The following TMEM178B variants were observed in gnomAD, a reference collection of about 807,000 sequenced individuals.
The protein encoded by TMEM178B is transmembrane protein 178B.
TMEM178B carries 5 observed loss-of-function variants against 31.0 expected under a neutral mutation model. That is an observed-to-expected ratio of 0.16 (90% CI 0.08 to 0.34). TMEM178B has a LOEUF of 0.34. TMEM178B is among the 10% of genes least tolerant of loss of function. The pLI is 1.00. For synonymous variants in TMEM178B, 164 were observed against 164.0 expected (o/e 1.00, Z 0.00); for missense variants, 275 against 400.3 (o/e 0.69, Z 2.67).
rs924300855 is a variant in TMEM178B, at chr7:141,318,655, C to T, written c.496+105951C>T. ...ATGCCACCCCTTCAGAAGCCTGTACCAAGACACTTAGAATTTTGCTGCTTT... is the reference window on the plus strand; with the variant it reads ...ATGCCACCCCTTCAGAAGCCTGTACTAAGACACTTAGAATTTTGCTGCTTT... On this transcript the variant is annotated intron_variant, in intron 2 of 3. Transcript: ENST00000565468. This position sits in a 1 kb window ranked among gnomAD's most constrained non-coding sequence, Gnocchi z 4.1. Among the ~76,000 whole-genome samples the T allele has an allele frequency of 7.2e-5, 11 of 152,152 alleles. No individual in the cohort carries two copies. The highest frequency in any genetic ancestry group is 2.7e-4 in the African/African-American group (11 of 41,438).
At chr7:141,229,411 A>T (rs1480232058) in intron 2 of TMEM178B, among the ~76,000 whole-genome samples, 1 of 152,072 alleles carries the variant, frequency 6.6e-6, no homozygotes, top group Non-Finnish European at 1.5e-5. Flanking sequence ...CCTTCCCTGT[A>T]ACCACCTACC....
chr7:141,412,976 T>A (rs1277145849), intron 2 of TMEM178B, among the ~76,000 whole-genome samples: 1 of 152,234 alleles, frequency 6.6e-6, no homozygotes, highest in Non-Finnish European at 1.5e-5. Context: ...AAGTCTTTTG[T>A]TCTTCTTTAG....
intron 1 of TMEM178B, among the ~76,000 whole-genome samples, chr7:141,109,236 G>A (rs1795195912): frequency 6.6e-6 from 1 of 152,116 alleles, no homozygotes; most frequent in Admixed American, 6.5e-5. Flanking sequence ...TATAGCGCCT[G>A]GTGATGGATT....
chr7:141,196,078 C>T (rs559742792), intron 1 of TMEM178B, among the ~76,000 whole-genome samples: 52 of 152,194 alleles, frequency 3.4e-4, no homozygotes, highest in African/African-American at 1.1e-3. Flanking sequence ...TGATACTGTA[C>T]GTATCAATGT....
In TMEM178B at chr7:141,405,982, C is replaced by T. The variant is rs144892320; in HGVS notation, c.497-31626C>T. The stretch of plus-strand genomic sequence containing the variant: ...TACAGGACACAGAGGAGGTGTGCTG[C>T]ATTATTTATTGTTTTTTATCTGTTT... On this transcript the variant is annotated intron_variant, in intron 2 of 3. Transcript: ENST00000565468. 4.7e-3 allele frequency among the ~76,000 whole-genome samples: 711 copies of T among 152,294 alleles called. 10 individuals are homozygous for T. The highest frequency in any genetic ancestry group is 0.016 in the African/African-American group (682 of 41,564).
the TMEM178B span, among the ~76,000 whole-genome samples, chr7:141,490,976 G>C: frequency 6.6e-6 from 1 of 152,124 alleles, no homozygotes; most frequent in African/African-American, 2.4e-5. Flanking sequence ...GCAAACCTAG[G>C]ATTCAAAATC....
At chr7:141,485,097 A>G (rs947104352), downstream of TMEM178B, among the ~76,000 whole-genome samples, 3 of 152,314 alleles carry the variant, frequency 2.0e-5, no homozygotes, top group East Asian at 1.9e-4. Flanking sequence ...GCAGGTGTGC[A>G]TAAGACCACA....
At chr7:141,373,895 C>T (rs1800163514) in intron 2 of TMEM178B, among the ~76,000 whole-genome samples, 1 of 152,184 alleles carries the variant, frequency 6.6e-6, no homozygotes, top group South Asian at 2.1e-4. Context: ...TGAAAGAGGA[C>T]TCACAACTAT....
intron 3 of TMEM178B, among the ~76,000 whole-genome samples, chr7:141,464,328 C>T (rs751485122): frequency 1.3e-5 from 2 of 152,064 alleles, no homozygotes; most frequent in Non-Finnish European, 2.9e-5. Flanking sequence ...ATATTTATGA[C>T]TCACGCTCTT....
At position 141,474,661 on chromosome 7, in the gene TMEM178B, C is replaced by A. The variant is rs1204654360; in HGVS notation, c.*3875C>A. On this transcript the variant is annotated 3_prime_UTR_variant, in exon 4 of 4. Transcript: ENST00000565468. ...TGGTCCCACCTAGCAATGCTTGCCT[C>A]TCCTGTGACAAGAGGGTAGGATATC... 6.6e-6 allele frequency: 1 copy of A among 152,166 alleles called. No individual in the cohort carries two copies. The highest frequency in any genetic ancestry group is 2.4e-5 in the African/African-American group (1 of 41,436). 9.4% of individuals were successfully genotyped at this position (152,166 alleles called of 1,614,324 possible).
At position 141,478,959 on chromosome 7, in the gene TMEM178B, G is replaced by GAGA. The variant is rs1802423124; in HGVS notation, c.*8173_*8174insAGA. 3 of 152,242 alleles carry GAGA rather than the reference G, an allele frequency of 2.0e-5. No individual in the cohort carries two copies. Among genetic ancestry groups the GAGA allele is most frequent in the Admixed American group, 6.5e-5 (1 of 15,284 alleles). The allele number at this position is 152,242 out of a possible 1,614,324, so 9.4% of individuals were successfully genotyped here. A position where few individuals can be genotyped will look rare whatever the true frequency, so the allele number is the denominator to read the frequency against. On this transcript the variant is annotated 3_prime_UTR_variant, in exon 4 of 4. Coordinates refer to ENST00000565468, the MANE Select transcript of TMEM178B (RefSeq NM_001195278.2). Reference sequence around the variant, plus strand: ...GAAAGCACAGAGCTATGTCGAGGCTGCTGTCTCAGCCTCTGGAAGTTCTGC... The same window carrying GAGA: ...GAAAGCACAGAGCTATGTCGAGGCTGAGACTGTCTCAGCCTCTGGAAGTTCTGC...
At chr7:141,238,262 C>A (rs964232133) in intron 2 of TMEM178B, among the ~76,000 whole-genome samples, 1 of 151,984 alleles carries the variant, frequency 6.6e-6, no homozygotes, top group African/African-American at 2.4e-5. Flanking sequence ...GATCCAAGTC[C>A]AGGTTGGAAA....
At chr7:141,490,479 C>T in the TMEM178B span, among the ~76,000 whole-genome samples, 1 of 152,206 alleles carries the variant, frequency 6.6e-6, no homozygotes, top group Admixed American at 6.5e-5. Flanking sequence ...CCAGTAACAA[C>T]CAGCAGCTTG....
intron 1 of TMEM178B, among the ~76,000 whole-genome samples, chr7:141,172,214 T>A (rs761823615): frequency 6.6e-6 from 1 of 152,170 alleles, no homozygotes; most frequent in Non-Finnish European, 1.5e-5. Context: ...TCTCATTCAT[T>A]CATTCATTCA....
intron 2 of TMEM178B, among the ~76,000 whole-genome samples, chr7:141,261,313 G>T (rs1351260834): frequency 6.6e-6 from 1 of 151,734 alleles, no homozygotes; most frequent in South Asian, 2.1e-4. Flanking sequence ...CACTTGTATA[G>T]GTTTTTTTTT....
rs1469688397 is a variant in TMEM178B, at chr7:141,471,457, T to C, written c.*671T>C. ...CGGTGGATGCTCAGACAACCCAGTC[T>C]TACCTTCCAGCTGCCTTACACCCAG... On this transcript the variant is annotated 3_prime_UTR_variant, in exon 4 of 4. Transcript: ENST00000565468. The surrounding 1 kb of genome is among the most constrained non-coding windows in gnomAD (Gnocchi z 4.1). 6.6e-6 allele frequency: 1 copy of C among 152,216 alleles called. No individual in the cohort carries two copies. Among genetic ancestry groups the C allele is most frequent in the African/African-American group, 2.4e-5 (1 of 41,414 alleles). 9.4% of individuals were successfully genotyped at this position (152,216 alleles called of 1,614,324 possible).
intron 2 of TMEM178B, among the ~76,000 whole-genome samples, chr7:141,342,206 C>T (rs2116512570): frequency 6.6e-6 from 1 of 152,280 alleles, no homozygotes; most frequent in East Asian, 1.9e-4. Flanking sequence ...CCTCTGCCTT[C>T]CAAAGTCCTG....
At chr7:141,118,979 C>T (rs140196283) in intron 1 of TMEM178B, among the ~76,000 whole-genome samples, 79 of 152,258 alleles carry the variant, frequency 5.2e-4, no homozygotes, top group African/African-American at 1.7e-3. Flanking sequence ...ATTTGGCACG[C>T]GTGGCTCTCT....
At chr7:141,207,337 T>C (rs1796982891) in intron 1 of TMEM178B, among the ~76,000 whole-genome samples, 1 of 152,214 alleles carries the variant, frequency 6.6e-6, no homozygotes, top group African/African-American at 2.4e-5. Flanking sequence ...TGCTGGATCA[T>C]TCGTAATTTT....
Sources: allele counts gnomAD v4.1 joint callset (sites outside exome capture counted in the v4.1 genomes callset), GRCh38; gene constraint gnomAD v4.1.1; non-coding constraint Gnocchi (gnomAD v3.1); transcripts MANE v1.5; gene names NCBI Gene and HGNC (gene_info 2026-07-23, HGNC 2026-07-21).